The following KYAT3 variants were observed in gnomAD, a reference collection of about 807,000 sequenced individuals.
KYAT3 encodes the protein kynurenine--oxoglutarate transaminase 3.
KYAT3 carries 50 observed loss-of-function variants against 59.0 expected under a neutral mutation model. That is an observed-to-expected ratio of 0.85 (90% CI 0.68 to 1.07). KYAT3 has a LOEUF of 1.07. Among genes scored for constraint, KYAT3 ranks in the 50% least tolerant of loss-of-function variants. The pLI is 0.00. For missense variants in KYAT3, 497 were observed against 533.3 expected, an observed-to-expected ratio of 0.93 and a Z score of 0.67; for synonymous variants, 148 against 177.0, an observed-to-expected ratio of 0.84 and a Z score of 1.30.
chr1:88,945,220 A>T (rs1217239501), intron 11 of KYAT3, among the ~76,000 whole-genome samples: 3 of 152,244 alleles, frequency 2.0e-5, no homozygotes, highest in African/African-American at 7.2e-5. Context: ...TTTTTTAGTC[A>T]GAAGGAATTT....
chr1:88,932,518 G>A (rs537393768), downstream of KYAT3, among the ~76,000 whole-genome samples: 3 of 152,160 alleles, frequency 2.0e-5, no homozygotes, highest in South Asian at 4.2e-4. Context: ...TTTTAAGACA[G>A]GGTCTTGCTT....
chr1:88,951,400 A>G (rs1268088767), intron 10 of KYAT3, among the ~76,000 whole-genome samples: 1 of 151,780 alleles, frequency 6.6e-6, no homozygotes, highest in Non-Finnish European at 1.5e-5. Context: ...ATGCCCAGCT[A>G]ATTTTTGTAC....
chr1:88,923,089 T>G, the KYAT3 span, among the ~76,000 whole-genome samples: 3 of 152,218 alleles, frequency 2.0e-5, no homozygotes, highest in Admixed American at 1.3e-4. Flanking sequence ...TAACTGAAAC[T>G]CTTCTACTCC....
chr1:88,953,183 A>G, intron 9 of KYAT3, 31 bp from the exon 10 acceptor site: 1 of 1,443,086 alleles, frequency 6.9e-7, no homozygotes, highest in Non-Finnish European at 9.7e-7. Context: ...AGATTTCAGA[A>G]AATCTAATTG....
chr1:88,963,636 G>T (rs997363520), intron 5 of KYAT3, among the ~76,000 whole-genome samples: 2 of 152,184 alleles, frequency 1.3e-5, no homozygotes, highest in African/African-American at 4.8e-5. Context: ...CTACCATAGT[G>T]TTCCTCGTAA....
At chr1:88,953,015 C>T (rs757589581) in intron 10 of KYAT3, 48 bp downstream of exon 10, 3 of 1,143,498 alleles carry the variant, frequency 2.6e-6, no homozygotes, top group Non-Finnish European at 2.6e-6. Flanking sequence ...AAAAGTAATA[C>T]CTTCACCAAA....
chr1:88,970,325 C>T (rs1159681350), intron 2 of KYAT3, among the ~76,000 whole-genome samples: 2 of 152,034 alleles, frequency 1.3e-5, no homozygotes, highest in Non-Finnish European at 2.9e-5. Flanking sequence ...TGTATGTTTA[C>T]AAAAATATGT....
chr1:88,971,646 C>T (rs1267584043), intron 2 of KYAT3, among the ~76,000 whole-genome samples: 2 of 152,166 alleles, frequency 1.3e-5, no homozygotes, highest in Non-Finnish European at 2.9e-5. Flanking sequence ...CCATTTTCTT[C>T]TCCTGGGGGA....
At chr1:88,955,279 G>T in intron 8 of KYAT3, 54 bp from the exon 9 acceptor site, 2 of 1,030,440 alleles carry the variant, frequency 1.9e-6, no homozygotes, top group Non-Finnish European at 1.5e-6. Context: ...ATCACATTTA[G>T]TATAATCTAA....
chr1:88,986,210 CAGAG>C (rs1184047381), intron 2 of KYAT3, among the ~76,000 whole-genome samples: 1 of 148,522 alleles, frequency 6.7e-6, no homozygotes, highest in Admixed American at 6.7e-5. Flanking sequence ...GAGAGAGAGA[CAGAG>C]AGAGTTGATT....
chr1:88,988,759 T>G (rs987749275), intron 1 of KYAT3, among the ~76,000 whole-genome samples: 1 of 152,230 alleles, frequency 6.6e-6, no homozygotes, highest in Non-Finnish European at 1.5e-5. Flanking sequence ...AGTAAAAGCA[T>G]AGTTTGTAAC....
the KYAT3 span, among the ~76,000 whole-genome samples, chr1:88,922,769 T>C: frequency 6.6e-6 from 1 of 152,184 alleles, no homozygotes; most frequent in Non-Finnish European, 1.5e-5. Context: ...TGACCCTTCT[T>C]CCAACCAATG....
chr1:88,966,437 A>T (rs1398328578), intron 4 of KYAT3, among the ~76,000 whole-genome samples: 1 of 152,102 alleles, frequency 6.6e-6, no homozygotes, highest in African/African-American at 2.4e-5. Flanking sequence ...CAGATCTTGG[A>T]TATATTTTAA....
At chr1:88,957,751 T>C (rs772349725) in intron 8 of KYAT3, among the ~76,000 whole-genome samples, 3 of 152,194 alleles carry the variant, frequency 2.0e-5, no homozygotes, top group Non-Finnish European at 4.4e-5. Context: ...ATCTAAACAA[T>C]AAATTTCAAG....
intron 2 of KYAT3, among the ~76,000 whole-genome samples, chr1:88,976,299 G>A (rs1216804298): frequency 6.6e-6 from 1 of 151,888 alleles, no homozygotes; most frequent in Non-Finnish European, 1.5e-5. Flanking sequence ...AGAGGTTGCA[G>A]TAAGCCGAGA....
chr1:88,981,232 A>G lies in KYAT3; in HGVS notation c.99+7020T>C, dbSNP rs1327447645. ...CACTCATAAGTTTTATTCTACAACTAAACTGTTTGTGGATAAGCCACCACA... is the reference window on the plus strand; with the variant it reads ...CACTCATAAGTTTTATTCTACAACTGAACTGTTTGTGGATAAGCCACCACA... On this transcript the variant is annotated intron_variant, in intron 2 of 13. Coordinates refer to ENST00000260508, the MANE Select transcript of KYAT3 (RefSeq NM_001008661.3). 2.9e-4 allele frequency: 44 copies of G among 152,214 alleles called. 1 individual carries two copies. The highest frequency in any genetic ancestry group is 2.9e-3 in the Admixed American group (44 of 15,288). 9.4% of individuals were successfully genotyped at this position (152,214 alleles called of 1,614,324 possible).
chr1:88,958,026 T>C (rs1368644728), intron 8 of KYAT3, among the ~76,000 whole-genome samples: 1 of 152,210 alleles, frequency 6.6e-6, no homozygotes, highest in Non-Finnish European at 1.5e-5. Context: ...TTCTCTTCCA[T>C]GTGTCCAGCT....
chr1:88,968,177 TATG>T lies in KYAT3; in HGVS notation c.303+490_303+492del, dbSNP rs1233130863. ...AAAGGAAAAGACAAGTGGTCAGACA[TATG>T]ATAATTGTATGGCTTTTGGCACAAC... On this transcript the variant is annotated intron_variant, in intron 4 of 13. Coordinates refer to ENST00000260508, the MANE Select transcript of KYAT3 (RefSeq NM_001008661.3). Among the ~76,000 whole-genome samples the T allele has an allele frequency of 3.3e-5, 5 of 152,308 alleles. No homozygotes were observed. The East Asian group carries it at 9.6e-4, about 29-fold the overall frequency.
intron 2 of KYAT3, among the ~76,000 whole-genome samples, chr1:88,987,487 C>T (rs534438171): frequency 6.6e-6 from 1 of 152,024 alleles, no homozygotes; most frequent in East Asian, 1.9e-4. Context: ...AGGTTGAATA[C>T]AAAATTGTCA....
Sources: allele counts gnomAD v4.1 joint callset (sites outside exome capture counted in the v4.1 genomes callset), GRCh38; gene constraint gnomAD v4.1.1; transcripts MANE v1.5; gene names NCBI Gene and HGNC (gene_info 2026-07-23, HGNC 2026-07-21).